The following KCMF1 variants were observed in gnomAD, a reference collection of about 807,000 sequenced individuals.
KCMF1 encodes the protein E3 ubiquitin-protein ligase KCMF1.
In KCMF1, 3 loss-of-function variants were observed where a neutral mutation model predicts 41.1. The ratio of observed to expected loss-of-function variants is 0.07; its 90% confidence interval spans 0.03 to 0.19. The LOEUF (loss-of-function observed/expected upper bound fraction) is 0.19. KCMF1 is among the 10% of genes least tolerant of loss of function. The probability of loss-of-function intolerance (pLI) is 1.00; values close to 1 mark genes in which losing one functional copy is unlikely to be tolerated. For missense variants in KCMF1, 286 were observed against 488.9 expected (o/e 0.58, Z 3.91); for synonymous variants, 142 against 164.5 (o/e 0.86, Z 1.04).
chr2:84,975,372 C>T (rs1219173301), intron 1 of KCMF1, among the ~76,000 whole-genome samples: 1 of 152,128 alleles, frequency 6.6e-6, no homozygotes, highest in Admixed American at 6.5e-5. Context: ...GCCCAGTCAG[C>T]TTGGGATTCC....
chr2:85,026,151 C>T (rs1477779783), intron 1 of KCMF1, among the ~76,000 whole-genome samples: 2 of 152,012 alleles, frequency 1.3e-5, no homozygotes, highest in Middle Eastern at 3.4e-3. Context: ...CCACCACGCC[C>T]GGCTAATTTT....
intron 1 of KCMF1, among the ~76,000 whole-genome samples, chr2:84,990,976 T>C (rs1243403540): frequency 6.6e-6 from 1 of 152,112 alleles, no homozygotes; most frequent in Non-Finnish European, 1.5e-5. Context: ...TAACCACTTG[T>C]GTTCGAGATC....
chr2:85,029,468 A>G (rs1392411253), intron 2 of KCMF1, among the ~76,000 whole-genome samples: 1 of 151,848 alleles, frequency 6.6e-6, no homozygotes, highest in African/African-American at 2.4e-5. Flanking sequence ...GGTGGCGCAC[A>G]TGCATCTGTA....
chr2:84,995,969 T>G (rs950039943), intron 1 of KCMF1, among the ~76,000 whole-genome samples: 3 of 152,222 alleles, frequency 2.0e-5, no homozygotes, highest in African/African-American at 7.2e-5. Flanking sequence ...CAAATGCAAG[T>G]CCATAACAGA....
chr2:85,021,295 T>C (rs1055320573), intron 1 of KCMF1, among the ~76,000 whole-genome samples: 3 of 152,190 alleles, frequency 2.0e-5, no homozygotes, highest in Non-Finnish European at 1.5e-5. Context: ...GTGTATATTA[T>C]TGAGATCAAA....
chr2:84,992,403 A>G (rs937447160), intron 1 of KCMF1, among the ~76,000 whole-genome samples: 2 of 150,628 alleles, frequency 1.3e-5, no homozygotes, highest in Non-Finnish European at 3.0e-5. Context: ...CTACAGACGC[A>G]CGCCACCACA....
intron 1 of KCMF1, among the ~76,000 whole-genome samples, chr2:85,012,486 T>G (rs1322618699): frequency 6.6e-6 from 1 of 152,230 alleles, no homozygotes; most frequent in East Asian, 1.9e-4. Context: ...ATGTTTATGC[T>G]TAGTCCCTTC....
chr2:85,028,338 A>G (rs1027458186), intron 2 of KCMF1, among the ~76,000 whole-genome samples: 3 of 151,852 alleles, frequency 2.0e-5, no homozygotes, highest in African/African-American at 7.3e-5. Flanking sequence ...GCACACCACC[A>G]CGCCTGGCTA....
rs375408069 is a variant in KCMF1 at position 85,043,549 on chromosome 2, T to G, written c.325-15T>G. 5.4e-6 allele frequency: 8 copies of G among 1,484,272 alleles called. No homozygotes were observed. Among genetic ancestry groups the G allele is most frequent in the South Asian group, 2.3e-5 (2 of 86,770 alleles). The allele number at this position is 1,484,272 out of a possible 1,614,324, so 91.9% of individuals were successfully genotyped here. A position where few individuals can be genotyped will look rare whatever the true frequency, so the allele number is the denominator to read the frequency against. On this transcript the variant is annotated splice_polypyrimidine_tract_variant and intron_variant, in intron 3 of 6. Transcript: ENST00000409785. ...ACGTTCATTTATTAAGCTGCTTTCT[T>G]TACTTCCATTTCAGATTTGTCCAAT...
chr2:85,003,300 C>T (rs765716230), intron 1 of KCMF1, among the ~76,000 whole-genome samples: 10 of 151,810 alleles, frequency 6.6e-5, no homozygotes, highest in East Asian at 1.9e-4. Context: ...GGTGAAACCC[C>T]GTCTCTACTA....
chr2:85,025,978 TA>T (rs1675093617), intron 1 of KCMF1, among the ~76,000 whole-genome samples: 1 of 151,770 alleles, frequency 6.6e-6, no homozygotes, highest in Non-Finnish European at 1.5e-5. Flanking sequence ...TACAGAATTT[TA>T]AATTTTAACT....
chr2:85,039,541 A>G (rs993550470), intron 3 of KCMF1, among the ~76,000 whole-genome samples: 33 of 152,338 alleles, frequency 2.2e-4, no homozygotes, highest in South Asian at 2.1e-4. Context: ...TTCAGAAGGT[A>G]TATTTTAAAG....
chr2:85,024,261 C>T (rs1675027654), intron 1 of KCMF1, among the ~76,000 whole-genome samples: 1 of 152,112 alleles, frequency 6.6e-6, no homozygotes, highest in Non-Finnish European at 1.5e-5. Context: ...GGGCAGATCA[C>T]CCGGAGTTCG....
chr2:84,979,586 A>C (rs1382284096), intron 1 of KCMF1, among the ~76,000 whole-genome samples: 2 of 151,988 alleles, frequency 1.3e-5, no homozygotes, highest in Admixed American at 6.6e-5. Flanking sequence ...ATATGGACTC[A>C]AAGGAAGCGC....
intron 4 of KCMF1, among the ~76,000 whole-genome samples, chr2:85,045,395 C>T (rs951680067): frequency 3.3e-5 from 5 of 152,130 alleles, no homozygotes; most frequent in African/African-American, 7.2e-5. Flanking sequence ...GCTACCCATC[C>T]GGTCCTTAAA....
rs1491353968 is a variant in KCMF1 at position 85,057,300 on chromosome 2, CTA to C, written c.*3892_*3893del. ...GCTCTTTCTAAAGCTCAACTAGACACTAAAACAGTTCTCTCCTTGAGACCGGA... is the reference window on the plus strand; with the variant it reads ...GCTCTTTCTAAAGCTCAACTAGACACAAACAGTTCTCTCCTTGAGACCGGA... On this transcript the variant is annotated 3_prime_UTR_variant, in exon 7 of 7. Coordinates refer to ENST00000409785, the MANE Select transcript of KCMF1 (RefSeq NM_020122.5). 1 of 152,106 alleles carries C rather than the reference CTA, an allele frequency of 6.6e-6. No homozygotes were observed. Among genetic ancestry groups the C allele is most frequent in the Non-Finnish European group, 1.5e-5 (1 of 68,032 alleles). 9.4% of individuals were successfully genotyped at this position (152,106 alleles called of 1,614,324 possible). A position where few individuals can be genotyped will look rare whatever the true frequency, so the allele number is the denominator to read the frequency against.
At chr2:85,024,516 G>A (rs1448030606) in intron 1 of KCMF1, among the ~76,000 whole-genome samples, 2 of 150,980 alleles carry the variant, frequency 1.3e-5, no homozygotes, top group African/African-American at 4.9e-5. Context: ...AAGTCTTAAC[G>A]TAGTTGGACT....
chr2:85,020,469 C>T (rs778813437), intron 1 of KCMF1, among the ~76,000 whole-genome samples: 10 of 152,162 alleles, frequency 6.6e-5, no homozygotes, highest in African/African-American at 2.4e-4. Flanking sequence ...CACTCTGGCA[C>T]CCAGGCTGGA....
At chr2:85,041,220 A>T (rs1675525824) in intron 3 of KCMF1, among the ~76,000 whole-genome samples, 1 of 152,210 alleles carries the variant, frequency 6.6e-6, no homozygotes, top group Admixed American at 6.5e-5. Flanking sequence ...AGTTCTGAAT[A>T]CCTTCATCCT....
Sources: allele counts gnomAD v4.1 joint callset (sites outside exome capture counted in the v4.1 genomes callset), GRCh38; gene constraint gnomAD v4.1.1; transcripts MANE v1.5; gene names NCBI Gene and HGNC (gene_info 2026-07-23, HGNC 2026-07-21).